The following PITPNM3 variants were observed in gnomAD, a reference collection of about 807,000 sequenced individuals.
The protein encoded by PITPNM3 is membrane-associated phosphatidylinositol transfer protein 3.
Under a neutral mutation model 102.0 loss-of-function variants are expected in PITPNM3, and 26 were observed. The ratio of observed to expected loss-of-function variants is 0.25; its 90% CI spans 0.19 to 0.35. The LOEUF (loss-of-function observed/expected upper bound fraction) is 0.35. PITPNM3 is among the 10% of genes least tolerant of loss of function. The probability of loss-of-function intolerance (pLI) is 1.00; values close to 1 mark genes in which losing one functional copy is unlikely to be tolerated. For missense variants in PITPNM3, 1,083 were observed against 1,346.1 expected (o/e 0.80, Z 3.06); for synonymous variants, 578 against 558.6 (o/e 1.03, Z -0.49).
chr17:6,461,936 T>A (rs1484538158), intron 17 of PITPNM3, among the ~76,000 whole-genome samples: 1 of 151,838 alleles, frequency 6.6e-6, no homozygotes, highest in East Asian at 1.9e-4. Context: ...CCCAGCCCTC[T>A]CACTTAAGCC....
chr17:6,471,382 T>A lies in PITPNM3; in HGVS notation c.1430-27A>T, dbSNP rs1008848018. 10 of 1,535,680 alleles carry A rather than the reference T, an allele frequency of 6.5e-6. No individual in the cohort carries two copies. The African/African-American group carries it at 1.4e-4, about 21-fold the overall frequency. ...TGGAGGGGGAATTTCAAGGTCAGGC[T>A]GAGTCACGTGTCTCCAGCAGAGCTG... On this transcript the variant is annotated intron_variant, in intron 11 of 19. Coordinates refer to ENST00000262483, the MANE Select transcript of PITPNM3 (RefSeq NM_031220.4).
At position 6,455,108 on chromosome 17, in the gene PITPNM3, G is replaced by A. The variant is rs1597356298; in HGVS notation, c.*230C>T. 7.1e-6 allele frequency: 4 copies of A among 566,198 alleles called. No homozygotes were observed. The highest frequency in any genetic ancestry group is 6.4e-5 in the East Asian group (2 of 31,098). 35.1% of individuals were successfully genotyped at this position (566,198 alleles called of 1,614,324 possible). Reference sequence around the variant, plus strand: ...GACTTGGGCTTGCGGTCGCAGGCCCGTGGGAGGCAGCAGTGGCTGCACCGA... The same window carrying A: ...GACTTGGGCTTGCGGTCGCAGGCCCATGGGAGGCAGCAGTGGCTGCACCGA... On this transcript the variant is annotated 3_prime_UTR_variant, in exon 20 of 20. Transcript: ENST00000262483.
intron 6 of PITPNM3, chr17:6,481,683 C>T (rs1482413255): frequency 6.6e-6 from 1 of 151,518 alleles, no homozygotes; most frequent in Non-Finnish European, 1.5e-5. Context: ...GCCCTGTGCT[C>T]TGTGATATTA....
chr17:6,551,627 T>C (rs356039), intron 1 of PITPNM3, among the ~76,000 whole-genome samples: 87,952 of 151,906 alleles, frequency 0.58, 26,972 homozygotes, highest in African/African-American at 0.78. Context: ...GTAATTCCAG[T>C]ACTTTGGGAA....
At chr17:6,528,479 C>T (rs1013450143) in intron 2 of PITPNM3, among the ~76,000 whole-genome samples, 7 of 151,884 alleles carry the variant, frequency 4.6e-5, no homozygotes, top group Non-Finnish European at 1.0e-4. Context: ...TGTGTGCATG[C>T]ATGTGTGTGC....
At position 6,468,851 on chromosome 17, in the gene PITPNM3, C is replaced by T. The variant is rs1204276213; in HGVS notation, c.1774-510G>A. Among the ~76,000 whole-genome samples, 1 of 152,162 alleles carries T rather than the reference C, an allele frequency of 6.6e-6. No individual in the cohort carries two copies. The highest frequency in any genetic ancestry group is 6.5e-5 in the Admixed American group (1 of 15,288). On this transcript the variant is annotated intron_variant, in intron 13 of 19. Transcript: ENST00000262483. The surrounding 1 kb of genome is among the most constrained non-coding windows in gnomAD (Gnocchi z 5.2). ...CCTCATGCCTCTCCAGTGACCGCCACATCCCTGCTGTCCCTCACAGCAGCA... is the reference window on the plus strand; with the variant it reads ...CCTCATGCCTCTCCAGTGACCGCCATATCCCTGCTGTCCCTCACAGCAGCA...
At chr17:6,512,035 G>A (rs1474725091) in intron 3 of PITPNM3, among the ~76,000 whole-genome samples, 1 of 152,168 alleles carries the variant, frequency 6.6e-6, no homozygotes, top group Non-Finnish European at 1.5e-5. Context: ...GAAAGCTCTT[G>A]TGATCGATTG....
intron 8 of PITPNM3, 140 bp downstream of exon 8, chr17:6,477,835 T>C (rs1905401343): frequency 5.5e-6 from 8 of 1,463,272 alleles, no homozygotes; most frequent in Non-Finnish European, 7.5e-6. Flanking sequence ...CATGAGCCAC[T>C]GCGCCCAGCT....
chr17:6,555,761 G>T (rs1388525902), intron 1 of PITPNM3, among the ~76,000 whole-genome samples: 2 of 152,200 alleles, frequency 1.3e-5, no homozygotes, highest in Non-Finnish European at 2.9e-5. Context: ...AGGCTACACC[G>T]TCTGAGCCTG....
At chr17:6,522,628 G>A (rs561706121) in intron 3 of PITPNM3, among the ~76,000 whole-genome samples, 14 of 152,256 alleles carry the variant, frequency 9.2e-5, no homozygotes, top group South Asian at 2.1e-4. Flanking sequence ...TGGCCAGAGC[G>A]TCCAGCATGA....
intron 4 of PITPNM3, among the ~76,000 whole-genome samples, chr17:6,500,883 T>C (rs1907128208): frequency 2.0e-5 from 3 of 152,102 alleles, no homozygotes; most frequent in African/African-American, 7.2e-5. Flanking sequence ...ACTATATTGG[T>C]CAGGCTGGTC....
chr17:6,551,104 T>A (rs1328088121), intron 1 of PITPNM3, among the ~76,000 whole-genome samples: 1 of 152,134 alleles, frequency 6.6e-6, no homozygotes, highest in African/African-American at 2.4e-5. Flanking sequence ...ACACCTGTAA[T>A]CCCAGCACTT....
chr17:6,536,907 A>C (rs186163973), intron 2 of PITPNM3, among the ~76,000 whole-genome samples: 43 of 152,196 alleles, frequency 2.8e-4, no homozygotes, highest in African/African-American at 9.4e-4. Context: ...GTGGATCAGG[A>C]CCCTGGTGCT....
chr17:6,538,387 CAG>C (rs1909560303), intron 1 of PITPNM3, among the ~76,000 whole-genome samples: 1 of 152,204 alleles, frequency 6.6e-6, no homozygotes, highest in Admixed American at 6.5e-5. Context: ...TCAGTCAGCA[CAG>C]GGGAAGCTCT....
At chr17:6,486,196 T>C (rs1906082774) in intron 4 of PITPNM3, among the ~76,000 whole-genome samples, 1 of 152,204 alleles carries the variant, frequency 6.6e-6, no homozygotes, top group South Asian at 2.1e-4. Context: ...AGATGGATGC[T>C]ACCTCCCGTG....
chr17:6,506,585 T>C (rs1309137558), intron 3 of PITPNM3, among the ~76,000 whole-genome samples: 1 of 152,212 alleles, frequency 6.6e-6, no homozygotes, highest in Non-Finnish European at 1.5e-5. Flanking sequence ...TTGGCCAAGA[T>C]GGTCTCAGTC....
intron 4 of PITPNM3, among the ~76,000 whole-genome samples, chr17:6,493,411 G>A (rs1000668899): frequency 6.6e-6 from 1 of 152,188 alleles, no homozygotes; most frequent in Non-Finnish European, 1.5e-5. Flanking sequence ...GGGAGCAGAG[G>A]GCAAAGCCAG....
chr17:6,538,148 A>C, intron 1 of PITPNM3, 66 bp from the exon 2 acceptor site: 1 of 1,244,244 alleles, frequency 8.0e-7, no homozygotes, highest in East Asian at 2.4e-5. Context: ...GAGGTGACCC[A>C]AGACCCCCCT....
chr17:6,482,034 CTG>C (rs1567670345), intron 6 of PITPNM3, among the ~76,000 whole-genome samples: 1,119 of 77,192 alleles, frequency 0.014, 55 homozygotes, highest in Admixed American at 0.015. Context: ...CTCTCTCTCT[CTG>C]TCTGTCTCTC....
Sources: gnomAD v4.1 joint callset for allele counts (sites outside exome capture counted in the v4.1 genomes callset) on GRCh38, gnomAD v4.1.1 for gene constraint, Gnocchi (gnomAD v3.1) non-coding constraint, MANE v1.5 for transcripts, NCBI Gene and HGNC (gene_info 2026-07-23, HGNC 2026-07-21) for gene names.